The following NPHP4 variants were observed in gnomAD, a reference collection of about 807,000 sequenced individuals.
NPHP4 encodes nephrocystin 4.
NPHP4 carries 151 observed loss-of-function variants against 155.8 expected under a neutral mutation model. The observed-to-expected ratio is 0.97, with a 90% CI of 0.85 to 1.11. The LOEUF (loss-of-function observed/expected upper bound fraction) is 1.11, where lower values mean the gene tolerates loss of function less well. Among genes scored for constraint, NPHP4 ranks in the 50% least tolerant of loss-of-function variants. NPHP4 has a pLI of 0.00. For synonymous variants in NPHP4, 845 were observed against 816.8 expected (o/e 1.03, Z -0.59); for missense variants, 1,956 against 1,925.7 (o/e 1.02, Z -0.29).
At chr1:5,935,191 A>C (rs1046805018) in intron 9 of NPHP4, among the ~76,000 whole-genome samples, 1 of 152,218 alleles carries the variant, frequency 6.6e-6, no homozygotes, top group Non-Finnish European at 1.5e-5. Context: ...TCCTAATAAA[A>C]ATTTAGAATC....
chr1:5,915,608 G>A (rs1276616112), intron 11 of NPHP4, among the ~76,000 whole-genome samples: 1 of 152,128 alleles, frequency 6.6e-6, no homozygotes, highest in Non-Finnish European at 1.5e-5. Context: ...AGGCAGCCCA[G>A]GACTGCAGGA....
intron 5 of NPHP4, 118 bp from the exon 6 acceptor site, chr1:5,962,067 G>A: frequency 2.9e-6 from 2 of 701,600 alleles, no homozygotes; most frequent in Non-Finnish European, 4.7e-6. Context: ...GACTTTTCTA[G>A]GGAGAGTGAA....
At chr1:5,921,429 A>G (rs1645734585) in intron 11 of NPHP4, among the ~76,000 whole-genome samples, 1 of 152,238 alleles carries the variant, frequency 6.6e-6, no homozygotes, top group Non-Finnish European at 1.5e-5. Context: ...GCGGCTGCAC[A>G]CATCCCATTC....
At chr1:5,989,799 G>A (rs1655975031) in intron 1 of NPHP4, among the ~76,000 whole-genome samples, 1 of 152,204 alleles carries the variant, frequency 6.6e-6, no homozygotes, top group East Asian at 1.9e-4. Context: ...AGGACTCAGT[G>A]CCACACTTGG....
rs1403866938 is a variant in NPHP4 at position 5,874,645 on chromosome 1, G to A, written c.3057C>T (p.Asp1019=). 1.9e-6 allele frequency: 3 copies of A among 1,611,728 alleles called. No homozygotes were observed. In the African/African-American group the frequency reaches 4.0e-5, roughly 22 times the overall value. The change falls in exon 22 of 30, where the codon GAC becomes GAT. Residue 1019 remains aspartate, a synonymous_variant. Transcript: ENST00000378156. The part of the protein sequence containing the change: ...IDNPELSVIV[D]SQEWRDFKGA... ...CCTTGAAGTCCCTCCACTCCTGACT[G>A]TCCACGATGACGCTGGGGGAGGCAG...
chr1:5,915,471 G>C (rs149613787), intron 11 of NPHP4, among the ~76,000 whole-genome samples: 1 of 152,308 alleles, frequency 6.6e-6, no homozygotes, highest in East Asian at 1.9e-4. Context: ...CTATTTGTAG[G>C]TAAAAAGTCA....
At position 5,865,283 on chromosome 1, in the gene NPHP4, G is replaced by C; in HGVS notation, c.3645-10C>G. 6.5e-7 allele frequency: 1 copy of C among 1,535,954 alleles called. No homozygotes were observed. Among genetic ancestry groups the C allele is most frequent in the Non-Finnish European group, 8.8e-7 (1 of 1,133,252 alleles). ...CGCCAGCCAGCGATCCCTGCAGTGG[G>C]ATGGGAGCCATCTGCACTTGTCCCG... On this transcript the variant is annotated splice_polypyrimidine_tract_variant and intron_variant, in intron 26 of 29. Coordinates refer to ENST00000378156, the MANE Select transcript of NPHP4 (RefSeq NM_015102.5).
intron 7 of NPHP4, among the ~76,000 whole-genome samples, chr1:5,952,280 G>A (rs1648252329): frequency 6.6e-6 from 1 of 152,238 alleles, no homozygotes; most frequent in African/African-American, 2.4e-5. Flanking sequence ...AACATGGGAA[G>A]GGTTCTATGG....
intron 11 of NPHP4, among the ~76,000 whole-genome samples, chr1:5,911,089 G>T (rs926531181): frequency 1.3e-5 from 2 of 152,228 alleles, no homozygotes; most frequent in Non-Finnish European, 2.9e-5. Context: ...CGTGCTCGGA[G>T]GGAGTTAGCA....
In NPHP4 at chr1:5,931,752, A is replaced by AC. The variant is rs1236396939; in HGVS notation, c.1302+1394_1302+1395insG. Among the ~76,000 whole-genome samples the AC allele has an allele frequency of 5.3e-4, 79 of 147,712 alleles. 2 individuals are homozygous for AC. The highest frequency in any genetic ancestry group is 2.0e-3 in the African/African-American group (77 of 39,112). On this transcript the variant is annotated intron_variant, in intron 10 of 29. Coordinates refer to ENST00000378156, the MANE Select transcript of NPHP4 (RefSeq NM_015102.5). ...TCATCTCAAAAAAAAAAAAAAAAAA[A>AC]AAAAAACTTTCTTGCTAAAAAAATG...
intron 5 of NPHP4, among the ~76,000 whole-genome samples, chr1:5,964,062 G>GA (rs962807764): frequency 1.3e-5 from 2 of 152,120 alleles, no homozygotes; most frequent in Non-Finnish European, 2.9e-5. Context: ...TCAATTCCAC[G>GA]AAACACCACA....
chr1:5,941,703 CAG>C (rs758147991), intron 9 of NPHP4, among the ~76,000 whole-genome samples: 1 of 152,222 alleles, frequency 6.6e-6, no homozygotes, highest in Non-Finnish European at 1.5e-5. Context: ...CCATAGGACA[CAG>C]GGGCCAGCCT....
chr1:5,867,287 T>A lies in NPHP4; in HGVS notation c.3473-172A>T. On this transcript the variant is annotated intron_variant, in intron 24 of 29. Coordinates refer to ENST00000378156, the MANE Select transcript of NPHP4 (RefSeq NM_015102.5). This position sits in a 1 kb window ranked among gnomAD's most constrained non-coding sequence, Gnocchi z 4.1. ...TTCCCAGGACAGCATCCAAGCACTG[T>A]GTTCCCTGCATGGACACCGCCCATC... 1.7e-6 allele frequency: 1 copy of A among 601,590 alleles called. No homozygotes were observed. Among genetic ancestry groups the A allele is most frequent in the Non-Finnish European group, 3.0e-6 (1 of 336,984 alleles). The allele number at this position is 601,590 out of a possible 1,614,324, so 37.3% of individuals were successfully genotyped here.
At chr1:5,880,349 C>A (rs1643148201) in intron 18 of NPHP4, 110 bp from the exon 19 acceptor site, 2 of 1,096,206 alleles carry the variant, frequency 1.8e-6, no homozygotes, top group East Asian at 2.5e-5. Flanking sequence ...TATCTACACC[C>A]TGACACGCTA....
At chr1:5,954,007 G>A (rs1244364182) in intron 6 of NPHP4, among the ~76,000 whole-genome samples, 1 of 152,174 alleles carries the variant, frequency 6.6e-6, no homozygotes, top group Non-Finnish European at 1.5e-5. Flanking sequence ...TGATGAAACT[G>A]CCGTCAAAAG....
chr1:5,888,786 G>A (rs1049825625), intron 17 of NPHP4, among the ~76,000 whole-genome samples: 1 of 152,208 alleles, frequency 6.6e-6, no homozygotes. Flanking sequence ...AGTGCCCTCT[G>A]TCTTCAGGAA....
intron 10 of NPHP4, among the ~76,000 whole-genome samples, chr1:5,929,077 G>C (rs1003804882): frequency 6.6e-6 from 1 of 152,154 alleles, no homozygotes; most frequent in Non-Finnish European, 1.5e-5. Flanking sequence ...TACTGTTTCT[G>C]TATTTTGCTT....
At chr1:5,875,340 A>G (rs1642477213) in intron 20 of NPHP4, among the ~76,000 whole-genome samples, 1 of 150,734 alleles carries the variant, frequency 6.6e-6, no homozygotes, top group African/African-American at 2.5e-5. Flanking sequence ...GGAGGTCCAC[A>G]CAGCATCCCT....
At chr1:5,911,765 G>C (rs1192765535) in intron 11 of NPHP4, among the ~76,000 whole-genome samples, 1 of 152,166 alleles carries the variant, frequency 6.6e-6, no homozygotes, top group East Asian at 1.9e-4. Context: ...GACACACCAA[G>C]GCCACGAAAT....
Sources: gnomAD v4.1 joint callset for allele counts (sites outside exome capture counted in the v4.1 genomes callset) on GRCh38, gnomAD v4.1.1 for gene constraint, Gnocchi (gnomAD v3.1) non-coding constraint, MANE v1.5 for transcripts, NCBI Gene and HGNC (gene_info 2026-07-23, HGNC 2026-07-21) for gene names.